SYNE2: variants seen among roughly 807,000 people sequenced by gnomAD.
SYNE2 encodes the protein nesprin-2.
SYNE2 carries 431 observed loss-of-function variants against 856.3 expected under a neutral mutation model. The ratio of observed to expected loss-of-function variants is 0.50; its 90% CI spans 0.47 to 0.55. The LOEUF is 0.55. Ranked by LOEUF, SYNE2 falls within the 20% of genes least tolerant of loss-of-function variation. The pLI is 0.00. For synonymous variants in SYNE2, 2,923 were observed against 2,872.3 expected, an observed-to-expected ratio of 1.02 and a Z score of -0.56; for missense variants, 8,129 against 8,023.2, an observed-to-expected ratio of 1.01 and a Z score of -0.50.
chr14:63,763,695 T>C (rs1284276198), intron 1 of SYNE2, among the ~76,000 whole-genome samples: 1 of 152,120 alleles, frequency 6.6e-6, no homozygotes, highest in Non-Finnish European at 1.5e-5. Context: ...GACAAGGTCT[T>C]GTTCTGTCCC....
At chr14:63,860,780 A>C (rs974893888) in intron 1 of SYNE2, among the ~76,000 whole-genome samples, 14 of 152,204 alleles carry the variant, frequency 9.2e-5, no homozygotes, top group African/African-American at 2.9e-4. Flanking sequence ...GCTCTGACAC[A>C]CAGGTAAAAG....
chr14:63,923,998 G>T (rs536284492), intron 2 of SYNE2, among the ~76,000 whole-genome samples: 1 of 151,706 alleles, frequency 6.6e-6, no homozygotes, highest in Non-Finnish European at 1.5e-5. Context: ...GTAGAGACAC[G>T]GTTTCACCAT....
In SYNE2 at chr14:63,977,779, G is replaced by T. The variant is rs998534765; in HGVS notation, c.1294-126G>T. Reference sequence around the variant, plus strand: ...TGTGTCTTAAAACAATAAAAAAAAGGTGGGTTGTGGGGAGGGTTTTATGAT... The same window carrying T: ...TGTGTCTTAAAACAATAAAAAAAAGTTGGGTTGTGGGGAGGGTTTTATGAT... On this transcript the variant is annotated intron_variant, in intron 12 of 115. Transcript: ENST00000555002. 5 of 704,928 alleles carry T rather than the reference G, an allele frequency of 7.1e-6. No homozygotes were observed. The African/African-American group carries it at 8.9e-5, about 13-fold the overall frequency. 43.7% of individuals were successfully genotyped at this position (704,928 alleles called of 1,614,324 possible). A position where few individuals can be genotyped will look rare whatever the true frequency, so the allele number is the denominator to read the frequency against.
intron 21 of SYNE2, among the ~76,000 whole-genome samples, chr14:63,992,242 G>GAAA (rs34907122): frequency 6.8e-6 from 1 of 147,662 alleles, no homozygotes. Context: ...AAAAGAGAAG[G>GAAA]AAAAAAAAAA....
intron 1 of SYNE2, among the ~76,000 whole-genome samples, chr14:63,828,047 AT>A (rs1280307307): frequency 6.7e-6 from 1 of 148,452 alleles, no homozygotes; most frequent in African/African-American, 2.5e-5. Flanking sequence ...AAAAAAAAAA[AT>A]TAGCCAGGTG....
chr14:63,805,348 G>A (rs1888318110), intron 1 of SYNE2, among the ~76,000 whole-genome samples: 3 of 152,178 alleles, frequency 2.0e-5, no homozygotes, highest in Non-Finnish European at 2.9e-5. Flanking sequence ...CTATCCATGA[G>A]CATGGAATAT....
chr14:64,167,763 A>C lies in SYNE2; in HGVS notation c.16905+124A>C, dbSNP rs2098388896. 3.1e-6 allele frequency: 4 copies of C among 1,305,882 alleles called. No individual in the cohort carries two copies. In the South Asian group the frequency reaches 5.1e-5, roughly 17 times the overall value. The allele number at this position is 1,305,882 out of a possible 1,614,324, so 80.9% of individuals were successfully genotyped here. A position where few individuals can be genotyped will look rare whatever the true frequency, so the allele number is the denominator to read the frequency against. ...CCTAAACACAGAATGTATACCTTTA[A>C]GCAAATTCAGTTGTCAATTGGTCAT... On this transcript the variant is annotated intron_variant, in intron 92 of 115. Transcript: ENST00000555002.
intron 1 of SYNE2, among the ~76,000 whole-genome samples, chr14:63,896,028 G>A (rs1250391582): frequency 2.6e-5 from 4 of 152,148 alleles, no homozygotes; most frequent in Admixed American, 1.3e-4. Context: ...GGAAAAATAG[G>A]GATAGGTGGA....
intron 99 of SYNE2, among the ~76,000 whole-genome samples, chr14:64,191,768 T>A (rs929660190): frequency 2.6e-5 from 4 of 152,032 alleles, no homozygotes; most frequent in African/African-American, 9.7e-5. Context: ...CCACAGCCAG[T>A]TGGGGGAAAA....
chr14:63,767,084 G>A (rs184102938), intron 1 of SYNE2, among the ~76,000 whole-genome samples: 51 of 151,638 alleles, frequency 3.4e-4, no homozygotes, highest in African/African-American at 9.9e-4. Flanking sequence ...GTTTTGTTCA[G>A]CCTGCACAAT....
At chr14:64,017,102 G>C (rs2096897747) in intron 33 of SYNE2, among the ~76,000 whole-genome samples, 1 of 151,994 alleles carries the variant, frequency 6.6e-6, no homozygotes, top group African/African-American at 2.4e-5. Flanking sequence ...GGCTGAGACG[G>C]GTGAATCACC....
At chr14:64,022,959 T>G (rs907787049) in intron 38 of SYNE2, 96 bp downstream of exon 38, 4 of 750,798 alleles carry the variant, frequency 5.3e-6, no homozygotes, top group Non-Finnish European at 9.3e-6. Context: ...CTGGGCATGG[T>G]AACTCACACC....
intron 45 of SYNE2, among the ~76,000 whole-genome samples, chr14:64,037,025 G>GAGA (rs1195738332): frequency 6.6e-6 from 1 of 152,148 alleles, no homozygotes; most frequent in Non-Finnish European, 1.5e-5. Flanking sequence ...TAGTGTCAGA[G>GAGA]AGAGCTCCCA....
chr14:63,876,227 A>G (rs981825415), intron 1 of SYNE2, among the ~76,000 whole-genome samples: 1 of 147,694 alleles, frequency 6.8e-6, no homozygotes. Flanking sequence ...AGCCTGGGCA[A>G]CACAGCGAGA....
At chr14:64,140,289 A>G (rs1300671111) in intron 80 of SYNE2, among the ~76,000 whole-genome samples, 1 of 152,236 alleles carries the variant, frequency 6.6e-6, no homozygotes, top group Non-Finnish European at 1.5e-5. Context: ...AATATATCTG[A>G]ATTTAAAACT....
intron 51 of SYNE2, among the ~76,000 whole-genome samples, chr14:64,070,270 T>C (rs1346094969): frequency 6.6e-6 from 1 of 152,220 alleles, no homozygotes; most frequent in Non-Finnish European, 1.5e-5. Flanking sequence ...AAATTTTCCA[T>C]ATCCAATAGT....
chr14:63,933,894 G>A (rs756968766), intron 2 of SYNE2, among the ~76,000 whole-genome samples: 4 of 152,136 alleles, frequency 2.6e-5, no homozygotes, highest in Non-Finnish European at 5.9e-5. Flanking sequence ...AGAACAAAAG[G>A]TTCCTTATCC....
intron 36 of SYNE2, 85 bp downstream of exon 36, chr14:64,021,600 A>G: frequency 6.5e-7 from 1 of 1,527,208 alleles, no homozygotes; most frequent in Non-Finnish European, 9.0e-7. Context: ...GTTAATAAAA[A>G]TAGAAAAAAA....
rs1213374461 is a variant in SYNE2 at position 64,062,873 on chromosome 14, T to C, written c.10190T>C (p.Leu3397Ser). Residue 3397 changes from leucine (L) to serine (S), a missense_variant, in exon 50 of 116, where the codon TTA (leucine) becomes TCA (serine). Leu to Ser is a moderately radical substitution (Grantham distance 145). This residue lies in a region of SYNE2 where 5,410 missense variants were observed against 5,284.8 expected (regional missense o/e 1.02). Coordinates refer to ENST00000555002, the MANE Select transcript of SYNE2 (RefSeq NM_182914.3). The part of the protein sequence containing the change: ...SSLPLSYREA[L>S]ERLEQSKALV... The stretch of plus-strand genomic sequence containing the variant: ...TTGCCACTGTCTTACAGAGAAGCTT[T>C]AGAGCGCTTGGAACAGAGCAAGGTA... 2 of 1,614,152 alleles carry C rather than the reference T, an allele frequency of 1.2e-6. No homozygotes were observed. Among genetic ancestry groups the C allele is most frequent in the Admixed American group, 3.3e-5 (2 of 60,010 alleles).
Sources: gnomAD v4.1 joint callset for allele counts (sites outside exome capture counted in the v4.1 genomes callset) on GRCh38, gnomAD v4.1.1 for gene constraint, gnomAD v4.1.1 regional missense constraint, MANE v1.5 for transcripts, NCBI Gene and HGNC (gene_info 2026-07-23, HGNC 2026-07-21) for gene names.